The following ATG7 variants were observed in gnomAD, a reference collection of about 807,000 sequenced individuals.
ATG7 encodes autophagy related 7.
Under a neutral mutation model 82.4 loss-of-function variants are expected in ATG7, and 70 were observed. The observed-to-expected ratio is 0.85, with a 90% CI of 0.70 to 1.04. The LOEUF (loss-of-function observed/expected upper bound fraction) is 1.04, where lower values mean the gene tolerates loss of function less well. ATG7 is among the 50% of genes least tolerant of loss of function. The pLI, the probability that ATG7 is intolerant of heterozygous loss-of-function variation, is 0.00. For synonymous variants in ATG7, 287 were observed against 313.0 expected, an observed-to-expected ratio of 0.92 and a Z score of 0.88; for missense variants, 792 against 864.3, an observed-to-expected ratio of 0.92 and a Z score of 1.05.
At chr3:11,485,841 C>G (rs2089563653) in intron 20 of ATG7, among the ~76,000 whole-genome samples, 1 of 152,128 alleles carries the variant, frequency 6.6e-6, no homozygotes, top group South Asian at 2.1e-4. Flanking sequence ...CGTCAAAGAT[C>G]AGATAGTTGT....
intron 19 of ATG7, among the ~76,000 whole-genome samples, chr3:11,414,071 T>G (rs1388522773): frequency 6.6e-6 from 1 of 152,192 alleles, no homozygotes; most frequent in African/African-American, 2.4e-5. Flanking sequence ...TTTTTTGTTT[T>G]GTTTTGTTTT....
chr3:11,300,875 C>T (rs755381426), intron 5 of ATG7, among the ~76,000 whole-genome samples: 1 of 152,002 alleles, frequency 6.6e-6, no homozygotes, highest in Non-Finnish European at 1.5e-5. Flanking sequence ...GTTCTGGGCA[C>T]GTTTAAGGGA....
intron 20 of ATG7, among the ~76,000 whole-genome samples, chr3:11,451,296 C>T (rs568159848): frequency 6.6e-6 from 1 of 151,284 alleles, no homozygotes; most frequent in South Asian, 2.1e-4. Context: ...ACTGAAACCT[C>T]GGCCTCCTGG....
chr3:11,361,915 C>G (rs2076309888), intron 16 of ATG7, among the ~76,000 whole-genome samples: 1 of 152,202 alleles, frequency 6.6e-6, no homozygotes, highest in Admixed American at 6.5e-5. Flanking sequence ...GTAACCTCCC[C>G]TCTATTTTTC....
At chr3:11,318,761 T>C (rs1433482328) in intron 9 of ATG7, among the ~76,000 whole-genome samples, 1 of 152,190 alleles carries the variant, frequency 6.6e-6, no homozygotes. Context: ...TGGCTACCCC[T>C]GTGCCCTCCA....
At chr3:11,432,043 A>T (rs189766259) in intron 20 of ATG7, among the ~76,000 whole-genome samples, 2 of 152,336 alleles carry the variant, frequency 1.3e-5, no homozygotes, top group Admixed American at 1.3e-4. Context: ...TGAGATTAGC[A>T]GGCAAATTAC....
intron 20 of ATG7, among the ~76,000 whole-genome samples, chr3:11,489,770 C>T (rs1004048400): frequency 3.6e-4 from 54 of 151,012 alleles, no homozygotes; most frequent in African/African-American, 1.3e-3. Flanking sequence ...GTTCAGTTTC[C>T]ATGTAGTTGA....
At chr3:11,460,245 C>T (rs1407142412) in intron 20 of ATG7, among the ~76,000 whole-genome samples, 1 of 152,204 alleles carries the variant, frequency 6.6e-6, no homozygotes. Context: ...CCTTTTGCAT[C>T]TTTCATTGGT....
chr3:11,320,058 C>A (rs150492936), intron 9 of ATG7, among the ~76,000 whole-genome samples: 1 of 152,192 alleles, frequency 6.6e-6, no homozygotes, highest in African/African-American at 2.4e-5. Context: ...TGTGGCCTGG[C>A]CCCTGTGGGC....
At chr3:11,340,842 A>T in intron 12 of ATG7, 107 bp downstream of exon 12, 1 of 939,482 alleles carries the variant, frequency 1.1e-6, no homozygotes, top group Non-Finnish European at 1.6e-6. Flanking sequence ...AGGGGGTGCC[A>T]GTCATGCTGC....
intron 14 of ATG7, among the ~76,000 whole-genome samples, chr3:11,350,764 A>C (rs1460055193): frequency 6.6e-6 from 1 of 151,934 alleles, no homozygotes; most frequent in Non-Finnish European, 1.5e-5. Flanking sequence ...TAATATTACT[A>C]GAGGGAGGAG....
chr3:11,483,310 C>T (rs1213954209), intron 20 of ATG7, among the ~76,000 whole-genome samples: 2 of 152,288 alleles, frequency 1.3e-5, no homozygotes, highest in African/African-American at 2.4e-5. Flanking sequence ...ATCCTATTTT[C>T]CAGCTGCCCA....
At chr3:11,320,007 G>T (rs1457510001) in intron 9 of ATG7, among the ~76,000 whole-genome samples, 1 of 152,182 alleles carries the variant, frequency 6.6e-6, no homozygotes, top group Non-Finnish European at 1.5e-5. Flanking sequence ...TGTGCTCTAA[G>T]AGTAGGGGCT....
chr3:11,479,155 T>G (rs1373757203), intron 20 of ATG7, among the ~76,000 whole-genome samples: 1 of 152,190 alleles, frequency 6.6e-6, no homozygotes, highest in Non-Finnish European at 1.5e-5. Flanking sequence ...ATGGACTTGA[T>G]GCCAATTTTC....
intron 16 of ATG7, among the ~76,000 whole-genome samples, chr3:11,362,319 A>G (rs1315372271): frequency 6.6e-6 from 1 of 152,216 alleles, no homozygotes; most frequent in East Asian, 1.9e-4. Flanking sequence ...GGTGATGCCC[A>G]TGTTGTGAGA....
At chr3:11,501,757 G>T (rs1427073082) in intron 20 of ATG7, among the ~76,000 whole-genome samples, 5 of 152,066 alleles carry the variant, frequency 3.3e-5, no homozygotes, top group African/African-American at 7.2e-5. Flanking sequence ...TGGTGCGATT[G>T]TGGCTCACTG....
At chr3:11,558,465 C>G, downstream of ATG7, 1 of 1,210,042 alleles carries the variant, frequency 8.3e-7, no homozygotes, top group East Asian at 3.0e-5. Flanking sequence ...CCCCCCACCC[C>G]ACCCCCATGA....
Position 11,557,195 on chromosome 3 carries a change from T to G in ATG7, c.*2352T>G, listed in dbSNP as rs1455211722. On this transcript the variant is annotated 3_prime_UTR_variant, in exon 21 of 21. Coordinates refer to ENST00000693202, the MANE Select transcript of ATG7 (RefSeq NM_001349232.2). ...GTGACCTCCACAGCTGTGTCTGTCA[T>G]GCTTGCTTCATCTAATTTCTAGTTA... 6.5e-6 allele frequency: 1 copy of G among 152,714 alleles called. No individual in the cohort carries two copies. The highest frequency in any genetic ancestry group is 2.4e-5 in the African/African-American group (1 of 41,468). 9.5% of individuals were successfully genotyped at this position (152,714 alleles called of 1,614,324 possible). A position where few individuals can be genotyped will look rare whatever the true frequency, so the allele number is the denominator to read the frequency against.
At chr3:11,310,767 G>A (rs1948528679) in intron 7 of ATG7, among the ~76,000 whole-genome samples, 1 of 151,860 alleles carries the variant, frequency 6.6e-6, no homozygotes, top group Admixed American at 6.6e-5. Flanking sequence ...TGAGTAGCCG[G>A]GACTACAGGC....
Sources: gnomAD v4.1 joint callset for allele counts (sites outside exome capture counted in the v4.1 genomes callset) on GRCh38, gnomAD v4.1.1 for gene constraint, MANE v1.5 for transcripts, NCBI Gene and HGNC (gene_info 2026-07-23, HGNC 2026-07-21) for gene names.